USP32: variants seen among roughly 807,000 people sequenced by gnomAD.
The protein encoded by USP32 is ubiquitin specific peptidase 32.
A neutral mutation model predicts 204.8 loss-of-function variants in USP32; 59 were observed. The ratio of observed to expected loss-of-function variants is 0.29; its 90% confidence interval spans 0.23 to 0.36. The LOEUF is 0.36. USP32 is among the 10% of genes least tolerant of loss of function. USP32 has a pLI of 1.00. For synonymous variants in USP32, 517 were observed against 678.4 expected (o/e 0.76, Z 3.70); for missense variants, 1,160 against 1,946.4 (o/e 0.60, Z 7.60).
intron 2 of USP32, among the ~76,000 whole-genome samples, chr17:60,323,273 TTA>T (rs10616893): frequency 0.2 from 30,316 of 151,946 alleles, 7,351 homozygotes; most frequent in African/African-American, 0.58. Flanking sequence ...AAACAAAATG[TTA>T]TATATATATG....
intron 31 of USP32, 95 bp from the exon 32 acceptor site, chr17:60,181,843 C>T (rs2145356703): frequency 6.6e-7 from 1 of 1,513,374 alleles, no homozygotes; most frequent in Admixed American, 2.3e-5. Flanking sequence ...CACAACTGTA[C>T]ACACAAAGGT....
chr17:60,337,225 T>A (rs988805166), intron 2 of USP32, among the ~76,000 whole-genome samples: 2 of 152,216 alleles, frequency 1.3e-5, no homozygotes, highest in African/African-American at 4.8e-5. Flanking sequence ...TACTTCAGCA[T>A]AAATTCACCA....
intron 26 of USP32, among the ~76,000 whole-genome samples, chr17:60,205,173 T>C (rs1346699709): frequency 1.3e-5 from 2 of 152,224 alleles, no homozygotes; most frequent in Non-Finnish European, 2.9e-5. Flanking sequence ...ATAAGGAATG[T>C]CATTTCATAC....
At position 60,181,621 on chromosome 17, in the gene USP32, T is replaced by C; in HGVS notation, c.4251A>G (p.Lys1417=). Residue 1417 remains lysine (K), a synonymous_variant, in exon 32 of 34, where the codon AAA becomes AAG. Transcript: ENST00000300896. Reference sequence around the variant, plus strand: ...TCTCTTTACTACTTGACAGTTTATTTTTGCTGCCAATCTGGGGCAGCCGGA... The same window carrying C: ...TCTCTTTACTACTTGACAGTTTATTCTTGCTGCCAATCTGGGGCAGCCGGA... The part of the protein sequence containing the change: ...GRLRLPQIGS[K]NKLSSSKENL... 1.9e-6 allele frequency: 3 copies of C among 1,614,008 alleles called. No individual in the cohort carries two copies. The highest frequency in any genetic ancestry group is 2.5e-6 in the Non-Finnish European group (3 of 1,179,856).
chr17:60,316,844 AAAAC>A (rs753384170), intron 2 of USP32, among the ~76,000 whole-genome samples: 3 of 152,104 alleles, frequency 2.0e-5, no homozygotes, highest in Middle Eastern at 3.2e-3. Context: ...TTGACTCATA[AAAAC>A]AAACAAACAA....
rs561534780 is a variant in USP32, at chr17:60,237,136, A to G, written c.1137-896T>C. 1.3e-4 allele frequency among the ~76,000 whole-genome samples: 19 copies of G among 151,044 alleles called. No homozygotes were observed. In the East Asian group the frequency reaches 3.1e-3, roughly 25 times the overall value. On this transcript the variant is annotated intron_variant, in intron 11 of 33. Transcript: ENST00000300896. ...ACTCTATCTATCTATCTATCTATCT[A>G]TCTATCTATCTATCTATCTATCTAT...
intron 1 of USP32, among the ~76,000 whole-genome samples, chr17:60,386,369 A>T (rs1399729196): frequency 1.7e-5 from 2 of 118,018 alleles, no homozygotes; most frequent in African/African-American, 1.1e-4. Context: ...TAAATTAAAA[A>T]AAAAAAAAAA....
intron 1 of USP32, among the ~76,000 whole-genome samples, chr17:60,389,274 T>A (rs2089786423): frequency 6.6e-6 from 1 of 152,202 alleles, no homozygotes; most frequent in Non-Finnish European, 1.5e-5. Context: ...ACAGCCGCAG[T>A]GGCTCACCTG....
chr17:60,307,078 G>T (rs2087743122), intron 2 of USP32, among the ~76,000 whole-genome samples: 1 of 151,532 alleles, frequency 6.6e-6, no homozygotes, highest in Non-Finnish European at 1.5e-5. Context: ...TCATGGATTG[G>T]AATAATTAAT....
chr17:60,204,283 C>T (rs866943175), intron 26 of USP32, among the ~76,000 whole-genome samples: 2 of 152,102 alleles, frequency 1.3e-5, no homozygotes, highest in Non-Finnish European at 2.9e-5. Flanking sequence ...CACAAACACA[C>T]AGGAAACATA....
In USP32 at chr17:60,288,671, T is replaced by C. The variant is rs952195621; in HGVS notation, c.423A>G (p.Val141=). ...LRKCFSEGEK[V]NYEKFRNWLF... ...GCCAATTTCTAAACTTTTCATAGTT[T>C]ACCTTTTCACCCTAAAATTAAAACA... The change falls in exon 5 of 34, where the codon GTA becomes GTG. Residue 141 remains valine (V), a synonymous_variant. Transcript: ENST00000300896. 4 of 1,602,354 alleles carry C rather than the reference T, an allele frequency of 2.5e-6. No individual in the cohort carries two copies. Among genetic ancestry groups the C allele is most frequent in the Non-Finnish European group, 2.5e-6 (3 of 1,176,962 alleles).
chr17:60,235,578 A>G (rs183670577), intron 12 of USP32, among the ~76,000 whole-genome samples: 9 of 152,366 alleles, frequency 5.9e-5, no homozygotes, highest in Non-Finnish European at 1.2e-4. Flanking sequence ...ATGAGTGTAT[A>G]TATCAGTTGG....
chr17:60,219,116 C>G (rs2085177069), intron 16 of USP32, among the ~76,000 whole-genome samples: 3 of 152,100 alleles, frequency 2.0e-5, no homozygotes, highest in African/African-American at 7.2e-5. Flanking sequence ...GCCTTTTGCT[C>G]TGTACTCTCT....
At chr17:60,388,727 C>T (rs1314363555) in intron 1 of USP32, among the ~76,000 whole-genome samples, 1 of 151,656 alleles carries the variant, frequency 6.6e-6, no homozygotes, top group Admixed American at 6.6e-5. Context: ...AATACATCTC[C>T]CTAACAGTGT....
At chr17:60,213,911 T>G (rs1366764978) in intron 17 of USP32, among the ~76,000 whole-genome samples, 1 of 151,812 alleles carries the variant, frequency 6.6e-6, no homozygotes, top group African/African-American at 2.4e-5. Flanking sequence ...GGGGAACAGG[T>G]GGTGTTTGGT....
intron 1 of USP32, among the ~76,000 whole-genome samples, chr17:60,402,504 T>C (rs1306582380): frequency 2.0e-5 from 3 of 152,106 alleles, no homozygotes; most frequent in Non-Finnish European, 4.4e-5. Context: ...CTCTTTGGCC[T>C]CCCAAAGTGC....
At chr17:60,234,287 G>A (rs2085654312) in intron 12 of USP32, among the ~76,000 whole-genome samples, 1 of 151,210 alleles carries the variant, frequency 6.6e-6, no homozygotes, top group African/African-American at 2.4e-5. Flanking sequence ...CTAATTTGTT[G>A]TATTTTCAGT....
intron 26 of USP32, among the ~76,000 whole-genome samples, chr17:60,200,517 G>A (rs1007591840): frequency 6.6e-6 from 1 of 151,080 alleles, no homozygotes; most frequent in African/African-American, 2.4e-5. Context: ...TTGAGGGCCT[G>A]CCACTGCACT....
chr17:60,246,416 T>C (rs868225211), intron 11 of USP32, among the ~76,000 whole-genome samples: 1 of 147,820 alleles, frequency 6.8e-6, no homozygotes, highest in African/African-American at 2.5e-5. Context: ...TATATATATT[T>C]TTTTTTTTTC....
Sources: allele counts gnomAD v4.1 joint callset (sites outside exome capture counted in the v4.1 genomes callset), GRCh38; gene constraint gnomAD v4.1.1; transcripts MANE v1.5; gene names NCBI Gene and HGNC (gene_info 2026-07-23, HGNC 2026-07-21).